Variants in SEMA3E observed in about 807,000 individuals in gnomAD.
The protein encoded by SEMA3E is semaphorin 3E, also known as semaphorin-3E.
In SEMA3E, 49 loss-of-function variants were observed where a neutral mutation model predicts 93.6. The ratio of observed to expected loss-of-function variants is 0.52; its 90% CI spans 0.42 to 0.66. SEMA3E has a LOEUF of 0.66. SEMA3E is among the 30% of genes least tolerant of loss of function. The pLI, the probability that SEMA3E is intolerant of heterozygous loss-of-function variation, is 0.00. For synonymous variants in SEMA3E, 363 were observed against 330.7 expected (o/e 1.10, Z -1.06); for missense variants, 906 against 964.8 (o/e 0.94, Z 0.81).
chr7:83,430,461 A>G (rs957124677), intron 4 of SEMA3E, among the ~76,000 whole-genome samples: 2 of 152,080 alleles, frequency 1.3e-5, no homozygotes, highest in African/African-American at 4.8e-5. Flanking sequence ...AAAAAAAAAG[A>G]AAAGCCCAGA....
chr7:83,637,054 G>GTC (rs1793895996), intron 1 of SEMA3E, among the ~76,000 whole-genome samples: 8 of 151,952 alleles, frequency 5.3e-5, no homozygotes, highest in African/African-American at 1.9e-4. Flanking sequence ...GTGTGTGTGT[G>GTC]TGTGTGTGAA....
At chr7:83,399,856 A>C (rs996113384) in intron 11 of SEMA3E, among the ~76,000 whole-genome samples, 172 bp downstream of exon 11, 24 of 152,120 alleles carry the variant, frequency 1.6e-4, no homozygotes, top group Non-Finnish European at 3.2e-4. Context: ...CTAAACTCTT[A>C]CTATTGCAGC....
Position 83,500,414 on chromosome 7 carries a change from C to T in SEMA3E, c.116-10140G>A, listed in dbSNP as rs182991683. Among the ~76,000 whole-genome samples, 549 of 151,750 alleles carry T rather than the reference C, an allele frequency of 3.6e-3. 1 individual carries two copies. Among genetic ancestry groups the T allele is most frequent in the Middle Eastern group, 6.8e-3 (2 of 294 alleles). ...TCAGGCCACTACACTGCAGCCTGGGCGACAGAGCGAGACTCCGTCTCAAAA... is the reference window on the plus strand; with the variant it reads ...TCAGGCCACTACACTGCAGCCTGGGTGACAGAGCGAGACTCCGTCTCAAAA... On this transcript the variant is annotated intron_variant, in intron 1 of 16. Coordinates refer to ENST00000643230, the MANE Select transcript of SEMA3E (RefSeq NM_012431.3).
intron 1 of SEMA3E, 94 bp from the exon 2 acceptor site, chr7:83,490,368 A>G: frequency 8.0e-7 from 1 of 1,255,940 alleles, no homozygotes; most frequent in Non-Finnish European, 1.1e-6. Context: ...TCCCTATTGG[A>G]ACTGAGTCAT....
intron 1 of SEMA3E, among the ~76,000 whole-genome samples, chr7:83,576,836 A>G (rs1252847917): frequency 6.6e-6 from 1 of 152,114 alleles, no homozygotes; most frequent in African/African-American, 2.4e-5. Context: ...CATGTTGGGC[A>G]GGCTGGTCTC....
intron 1 of SEMA3E, among the ~76,000 whole-genome samples, chr7:83,564,136 C>T (rs1472200652): frequency 6.6e-6 from 1 of 152,062 alleles, no homozygotes; most frequent in Non-Finnish European, 1.5e-5. Context: ...CTCTAAAAAG[C>T]CATTATTTTA....
intron 1 of SEMA3E, among the ~76,000 whole-genome samples, chr7:83,627,628 C>CTTTTTTT (rs746550123): frequency 5.4e-4 from 35 of 65,342 alleles, no homozygotes; most frequent in East Asian, 1.6e-3. Context: ...GCAACCCCTG[C>CTTTTTTT]TTTTTTTTTT....
chr7:83,428,049 A>G (rs193242326), intron 4 of SEMA3E, among the ~76,000 whole-genome samples: 48 of 152,348 alleles, frequency 3.2e-4, no homozygotes, highest in Middle Eastern at 6.8e-3. Flanking sequence ...ATGTGGGCAG[A>G]TACATGTGTC....
At chr7:83,417,023 A>G (rs62460800) in intron 5 of SEMA3E, among the ~76,000 whole-genome samples, 1,881 of 104,136 alleles carry the variant, frequency 0.018, 13 homozygotes, top group Middle Eastern at 0.053. Flanking sequence ...ACAGGGAGAG[A>G]GAGAGAGAGA....
chr7:83,481,519 T>C (rs1790145715), intron 2 of SEMA3E, among the ~76,000 whole-genome samples: 1 of 152,174 alleles, frequency 6.6e-6, no homozygotes, highest in Non-Finnish European at 1.5e-5. Context: ...CAAAAACTAT[T>C]CTCTTTGAGG....
intron 1 of SEMA3E, among the ~76,000 whole-genome samples, chr7:83,625,200 C>T (rs1316976966): frequency 6.6e-6 from 1 of 152,118 alleles, no homozygotes; most frequent in Non-Finnish European, 1.5e-5. Flanking sequence ...ATTGTCTTGG[C>T]TATATGGGCT....
intron 16 of SEMA3E, among the ~76,000 whole-genome samples, chr7:83,369,030 A>C (rs1794716331): frequency 6.6e-6 from 1 of 152,198 alleles, no homozygotes; most frequent in Non-Finnish European, 1.5e-5. Context: ...TTTTTTGCAC[A>C]GTGCTATCAA....
intron 4 of SEMA3E, among the ~76,000 whole-genome samples, chr7:83,457,600 GCAA>G (rs1221183063): frequency 2.0e-5 from 3 of 151,996 alleles, no homozygotes; most frequent in African/African-American, 4.8e-5. Flanking sequence ...CTTTCCTATT[GCAA>G]CAACAGTGTT....
intron 1 of SEMA3E, among the ~76,000 whole-genome samples, chr7:83,618,096 G>A (rs953910928): frequency 2.6e-5 from 4 of 152,066 alleles, no homozygotes; most frequent in Admixed American, 1.3e-4. Context: ...ACCAGCATTG[G>A]GAGTGGTGAG....
At chr7:83,626,766 C>T (rs1793678534) in intron 1 of SEMA3E, among the ~76,000 whole-genome samples, 2 of 152,054 alleles carry the variant, frequency 1.3e-5, no homozygotes, top group South Asian at 4.1e-4. Context: ...TTTGTTTGCT[C>T]TTGCTTCTCC....
At chr7:83,639,110 CAAAAAAAAAAAAAAAAA>C (rs1172097095) in intron 1 of SEMA3E, among the ~76,000 whole-genome samples, 2 of 27,464 alleles carry the variant, frequency 7.3e-5, no homozygotes, top group South Asian at 1.5e-3. Flanking sequence ...GACTCCGTCT[CAAAAAAAAAAAAAAAAA>C]AAAAAAAAAA....
intron 9 of SEMA3E, 87 bp from the exon 10 acceptor site, chr7:83,402,863 A>C: frequency 7.5e-7 from 1 of 1,330,682 alleles, no homozygotes; most frequent in South Asian, 1.2e-5. Flanking sequence ...GATAAGAGTC[A>C]AGTCTTTTGG....
intron 2 of SEMA3E, among the ~76,000 whole-genome samples, chr7:83,489,100 A>C (rs1790325764): frequency 6.6e-6 from 1 of 152,092 alleles, no homozygotes; most frequent in Admixed American, 6.6e-5. Flanking sequence ...TTTAACCAAA[A>C]GTTTTGGTAT....
intron 13 of SEMA3E, among the ~76,000 whole-genome samples, chr7:83,393,513 A>T (rs552395937): frequency 6.6e-5 from 10 of 152,338 alleles, no homozygotes; most frequent in Non-Finnish European, 1.3e-4. Flanking sequence ...TGGGTGACAC[A>T]GTGAGACTTT....
Sources: allele counts gnomAD v4.1 joint callset (sites outside exome capture counted in the v4.1 genomes callset), GRCh38; gene constraint gnomAD v4.1.1; transcripts MANE v1.5; gene names NCBI Gene and HGNC (gene_info 2026-07-23, HGNC 2026-07-21).